The following SPOCK3 variants were observed in gnomAD, a reference collection of about 807,000 sequenced individuals.
The protein encoded by SPOCK3 is SPARC (osteonectin), cwcv and kazal like domains proteoglycan 3.
SPOCK3 carries 30 observed loss-of-function variants against 56.6 expected under a neutral mutation model. That is an observed-to-expected ratio of 0.53 (90% CI 0.40 to 0.72). The LOEUF (loss-of-function observed/expected upper bound fraction) is 0.72, where lower values mean the gene tolerates loss of function less well. Ranked by LOEUF, SPOCK3 falls within the 30% of genes least tolerant of loss-of-function variation. SPOCK3 has a pLI of 0.00. For synonymous variants in SPOCK3, 196 were observed against 183.3 expected, an observed-to-expected ratio of 1.07 and a Z score of -0.56; for missense variants, 527 against 530.0, an observed-to-expected ratio of 0.99 and a Z score of 0.06.
chr4:166,749,557 A>T (rs2126460863), intron 8 of SPOCK3, among the ~76,000 whole-genome samples: 1 of 152,116 alleles, frequency 6.6e-6, no homozygotes, highest in East Asian at 1.9e-4. Flanking sequence ...TTATGGGTGC[A>T]GCACACCAAC....
At chr4:166,959,494 T>G (rs1227936978) in intron 4 of SPOCK3, among the ~76,000 whole-genome samples, 1 of 152,084 alleles carries the variant, frequency 6.6e-6, no homozygotes, top group Non-Finnish European at 1.5e-5. Flanking sequence ...ACACCTGTAT[T>G]CTCAGCTACT....
chr4:167,004,414 G>A (rs760975344), intron 3 of SPOCK3, among the ~76,000 whole-genome samples: 4 of 152,146 alleles, frequency 2.6e-5, no homozygotes, highest in Admixed American at 1.3e-4. Context: ...TGCTCATATC[G>A]CCTGTGAGTA....
intron 7 of SPOCK3, among the ~76,000 whole-genome samples, chr4:166,774,393 G>T (rs1424167940): frequency 1.3e-5 from 2 of 152,106 alleles, no homozygotes; most frequent in Non-Finnish European, 2.9e-5. Flanking sequence ...TCTTTCAGGG[G>T]TCTGTGGAGT....
At chr4:167,174,385 TA>T (rs1730782087) in intron 2 of SPOCK3, among the ~76,000 whole-genome samples, 1 of 151,090 alleles carries the variant, frequency 6.6e-6, no homozygotes, top group African/African-American at 2.4e-5. Flanking sequence ...AAAGAAGATA[TA>T]AGCAAAATTA....
At chr4:166,881,662 CT>C (rs1372607368) in intron 6 of SPOCK3, among the ~76,000 whole-genome samples, 1 of 152,004 alleles carries the variant, frequency 6.6e-6, no homozygotes, top group Non-Finnish European at 1.5e-5. Context: ...GCTTTCCTTT[CT>C]TATCTTGAGG....
chr4:167,175,308 C>T (rs1215647971), intron 2 of SPOCK3, among the ~76,000 whole-genome samples: 1 of 152,098 alleles, frequency 6.6e-6, no homozygotes, highest in Non-Finnish European at 1.5e-5. Context: ...AGCACATTCC[C>T]AATTATGGTG....
At chr4:167,041,843 A>C (rs559516606) in intron 3 of SPOCK3, among the ~76,000 whole-genome samples, 40 of 152,178 alleles carry the variant, frequency 2.6e-4, no homozygotes, top group Non-Finnish European at 5.1e-4. Flanking sequence ...GTATACATGC[A>C]TTAAAACATC....
At chr4:167,096,693 G>A (rs936180949) in intron 2 of SPOCK3, among the ~76,000 whole-genome samples, 3 of 151,792 alleles carry the variant, frequency 2.0e-5, no homozygotes, top group Non-Finnish European at 3.0e-5. Context: ...CTGTTGTCAT[G>A]AGTATTCCAT....
intron 8 of SPOCK3, among the ~76,000 whole-genome samples, chr4:166,751,000 T>C (rs1050378894): frequency 1.3e-5 from 2 of 150,922 alleles, no homozygotes; most frequent in African/African-American, 4.9e-5. Context: ...TCTACCTGAA[T>C]TGCACTATCA....
intron 2 of SPOCK3, among the ~76,000 whole-genome samples, chr4:167,107,757 C>T (rs1760292787): frequency 6.6e-6 from 1 of 151,766 alleles, no homozygotes; most frequent in East Asian, 1.9e-4. Flanking sequence ...TTGCAGGATA[C>T]AAAATCAACA....
intron 6 of SPOCK3, 121 bp from the exon 7 acceptor site, chr4:166,792,410 A>T: frequency 9.7e-7 from 1 of 1,028,790 alleles, no homozygotes; most frequent in African/African-American, 1.6e-5. Flanking sequence ...GTGTGACTGC[A>T]TTTCAGCTTT....
At chr4:167,055,230 A>G (rs984906954) in intron 3 of SPOCK3, among the ~76,000 whole-genome samples, 4 of 152,228 alleles carry the variant, frequency 2.6e-5, no homozygotes, top group Non-Finnish European at 4.4e-5. Context: ...AATATGGTAA[A>G]TTAAAAACTA....
In SPOCK3 at chr4:167,193,616, AT is replaced by A. The variant is rs1380301155; in HGVS notation, c.189+40368del. Among the ~76,000 whole-genome samples the A allele has an allele frequency of 3.4e-5, 5 of 145,900 alleles. 1 individual carries two copies. Among genetic ancestry groups the A allele is most frequent in the African/African-American group, 1.0e-4 (4 of 38,138 alleles). ...CCAATTTCACTATATATTTGTCTTTATCAGTGAGCTCAGTTTTACCATATAT... is the reference window on the plus strand; with the variant it reads ...CCAATTTCACTATATATTTGTCTTTACAGTGAGCTCAGTTTTACCATATAT... On this transcript the variant is annotated intron_variant, in intron 2 of 10. Coordinates refer to ENST00000357545, the MANE Select transcript of SPOCK3 (RefSeq NM_001040159.2).
intron 5 of SPOCK3, among the ~76,000 whole-genome samples, chr4:166,910,324 C>T (rs1472926102): frequency 6.6e-6 from 1 of 151,996 alleles, no homozygotes; most frequent in Admixed American, 6.6e-5. Flanking sequence ...TTAAAAGTGA[C>T]ATTTATGTAA....
At chr4:167,052,877 G>A (rs1352674686) in intron 3 of SPOCK3, among the ~76,000 whole-genome samples, 3 of 152,164 alleles carry the variant, frequency 2.0e-5, no homozygotes, top group Admixed American at 1.3e-4. Context: ...TGTAATAATA[G>A]TGCATTTTAA....
intron 6 of SPOCK3, among the ~76,000 whole-genome samples, chr4:166,798,463 G>T (rs1373537036): frequency 6.6e-6 from 1 of 152,150 alleles, no homozygotes; most frequent in Admixed American, 6.5e-5. Flanking sequence ...ACCAGTGATG[G>T]TTATTGCTCC....
intron 5 of SPOCK3, among the ~76,000 whole-genome samples, chr4:166,892,759 C>A (rs765007211): frequency 9.9e-5 from 15 of 152,014 alleles, no homozygotes; most frequent in Non-Finnish European, 2.1e-4. Context: ...GTTACGAGTT[C>A]TTGTGAAAAG....
intron 3 of SPOCK3, 54 bp downstream of exon 3, chr4:167,062,438 T>A: frequency 7.5e-7 from 1 of 1,337,488 alleles, no homozygotes; most frequent in Non-Finnish European, 1.1e-6. Flanking sequence ...TTTCTAAAAG[T>A]ACAATGATTA....
At chr4:167,154,785 A>T (rs2150423927) in intron 2 of SPOCK3, among the ~76,000 whole-genome samples, 1 of 152,258 alleles carries the variant, frequency 6.6e-6, no homozygotes, top group African/African-American at 2.4e-5. Flanking sequence ...TCTTTATTGG[A>T]GTCCATGGTT....
Sources: gnomAD v4.1 joint callset for allele counts (sites outside exome capture counted in the v4.1 genomes callset) on GRCh38, gnomAD v4.1.1 for gene constraint, MANE v1.5 for transcripts, NCBI Gene and HGNC (gene_info 2026-07-23, HGNC 2026-07-21) for gene names.